The following MRPL1 variants were observed in gnomAD, a reference collection of about 807,000 sequenced individuals.
MRPL1 encodes large ribosomal subunit protein uL1m.
MRPL1 carries 28 observed loss-of-function variants against 38.0 expected under a neutral mutation model. The ratio of observed to expected loss-of-function variants is 0.74; its 90% CI spans 0.55 to 1.01. The LOEUF is 1.01. MRPL1 is among the 50% of genes least tolerant of loss of function. MRPL1 has a pLI of 0.00. For synonymous variants in MRPL1, 123 were observed against 126.7 expected, an observed-to-expected ratio of 0.97 and a Z score of 0.20; for missense variants, 358 against 389.8, an observed-to-expected ratio of 0.92 and a Z score of 0.69.
At chr4:77,945,206 A>G (rs1418151714) in intron 7 of MRPL1, among the ~76,000 whole-genome samples, 1 of 150,592 alleles carries the variant, frequency 6.6e-6, no homozygotes, top group Non-Finnish European at 1.5e-5. Flanking sequence ...TAGGAGACAT[A>G]CAGATAACCT....
intron 7 of MRPL1, among the ~76,000 whole-genome samples, chr4:77,947,229 T>C (rs923775162): frequency 6.6e-5 from 10 of 152,180 alleles, no homozygotes; most frequent in African/African-American, 2.4e-4. Context: ...GTTTCCGACA[T>C]AGTAAGGGTT....
At chr4:77,884,838 A>G (rs899255158) in intron 3 of MRPL1, among the ~76,000 whole-genome samples, 3 of 152,234 alleles carry the variant, frequency 2.0e-5, no homozygotes, top group Admixed American at 6.5e-5. Context: ...AACAAATTTA[A>G]TTGAAGATAG....
chr4:77,867,472 A>G (rs1257354588), intron 1 of MRPL1, among the ~76,000 whole-genome samples: 2 of 152,250 alleles, frequency 1.3e-5, no homozygotes, highest in Admixed American at 1.3e-4. Context: ...CAAGCTATAT[A>G]CATTTCCTGC....
At chr4:77,951,880 C>G (rs1185441876) in intron 8 of MRPL1, among the ~76,000 whole-genome samples, 1 of 152,188 alleles carries the variant, frequency 6.6e-6, no homozygotes, top group Non-Finnish European at 1.5e-5. Context: ...ATGCTCTGAC[C>G]TGCCAGGATA....
chr4:77,907,933 A>T (rs1578050288), intron 6 of MRPL1, among the ~76,000 whole-genome samples: 1 of 141,688 alleles, frequency 7.1e-6, no homozygotes, highest in South Asian at 2.2e-4. Context: ...TCTGTTGCCC[A>T]GGCTGCCAGG....
intron 7 of MRPL1, among the ~76,000 whole-genome samples, chr4:77,915,157 G>A (rs1053248191): frequency 1.3e-5 from 2 of 152,126 alleles, no homozygotes; most frequent in African/African-American, 4.8e-5. Flanking sequence ...TCTGTGTTAC[G>A]ATTCTGCATT....
intron 1 of MRPL1, chr4:77,864,701 G>A (rs1325114890): frequency 1.3e-5 from 2 of 152,028 alleles, no homozygotes; most frequent in Admixed American, 6.6e-5. Flanking sequence ...CGAACATAGC[G>A]AAAACCCCCA....
At chr4:77,877,733 G>A (rs1735432235) in intron 2 of MRPL1, among the ~76,000 whole-genome samples, 1 of 151,722 alleles carries the variant, frequency 6.6e-6, no homozygotes, top group Admixed American at 6.6e-5. Context: ...TTATGGGGAA[G>A]TTTCCTAGCC....
At chr4:77,945,190 G>A (rs1416703638) in intron 7 of MRPL1, among the ~76,000 whole-genome samples, 2 of 149,282 alleles carry the variant, frequency 1.3e-5, no homozygotes, top group Admixed American at 6.7e-5. Flanking sequence ...ACTACTTTAT[G>A]TTATGTAGGA....
intron 2 of MRPL1, 125 bp from the exon 3 acceptor site, chr4:77,883,117 C>A: frequency 1.6e-6 from 1 of 638,726 alleles, no homozygotes; most frequent in East Asian, 3.0e-5. Context: ...GTAAAGCAGT[C>A]TATGCTTTTG....
intron 6 of MRPL1, among the ~76,000 whole-genome samples, chr4:77,906,103 T>C (rs1431353368): frequency 6.6e-6 from 1 of 152,228 alleles, no homozygotes; most frequent in Non-Finnish European, 1.5e-5. Context: ...GTAACATGAC[T>C]GATCCCTGAG....
chr4:77,895,017 A>G (rs1735882056), intron 6 of MRPL1, among the ~76,000 whole-genome samples: 1 of 152,148 alleles, frequency 6.6e-6, no homozygotes, highest in Non-Finnish European at 1.5e-5. Flanking sequence ...GTACCCCTAC[A>G]TTGAAATAGA....
intron 1 of MRPL1, among the ~76,000 whole-genome samples, chr4:77,866,611 G>A (rs75156152): frequency 0.05 from 7,549 of 152,026 alleles, 227 homozygotes; most frequent in African/African-American, 0.082. Context: ...TCACTCTGCT[G>A]TAACCAGCTG....
intron 5 of MRPL1, among the ~76,000 whole-genome samples, chr4:77,888,224 G>A (rs1200100189): frequency 2.0e-5 from 3 of 152,190 alleles, no homozygotes; most frequent in African/African-American, 2.4e-5. Context: ...ACAGAGCTTC[G>A]CTGGACGCAG....
At chr4:77,949,399 C>T (rs768393035) in intron 7 of MRPL1, among the ~76,000 whole-genome samples, 39 of 152,208 alleles carry the variant, frequency 2.6e-4, no homozygotes, top group Non-Finnish European at 5.1e-4. Context: ...TTATTTTGGA[C>T]TCAAGAAAAC....
At position 77,894,222 on chromosome 4, in the gene MRPL1, G is replaced by A. The variant is rs200459259; in HGVS notation, c.642G>A (p.Leu214=). The A allele has an allele frequency of 6.5e-5, 104 of 1,597,246 alleles. No homozygotes were observed. Among genetic ancestry groups the A allele is most frequent in the Admixed American group, 3.5e-5 (2 of 57,726 alleles). ...AACTTAATCGATTAAGGAAGAAACT[G>A]AATAAAAAATATCCAAAGCTTTCTC... The part of the protein sequence containing the change: ...MPELNRLRKK[L]NKKYPKLSRN... Residue 214 remains leucine, a synonymous_variant, in exon 6 of 9, where the codon CTG becomes CTA. Transcript: ENST00000315567.
At chr4:77,906,893 A>G in intron 6 of MRPL1, 1 of 852,584 alleles carries the variant, frequency 1.2e-6, no homozygotes, top group South Asian at 5.4e-5. Context: ...TACTGAAAAA[A>G]CTTAGTATTT....
chr4:77,932,712 A>G (rs1470935161), intron 7 of MRPL1, among the ~76,000 whole-genome samples: 1 of 152,118 alleles, frequency 6.6e-6, no homozygotes, highest in Non-Finnish European at 1.5e-5. Context: ...ATTCTACAGC[A>G]TGGTGAGTTA....
At chr4:77,912,621 T>C (rs1351182715) in intron 7 of MRPL1, among the ~76,000 whole-genome samples, 2 of 152,144 alleles carry the variant, frequency 1.3e-5, no homozygotes, top group African/African-American at 4.8e-5. Context: ...GTTAAAAATA[T>C]CAATTTTCCC....
Sources: allele counts gnomAD v4.1 joint callset (sites outside exome capture counted in the v4.1 genomes callset), GRCh38; gene constraint gnomAD v4.1.1; transcripts MANE v1.5; gene names NCBI Gene and HGNC (gene_info 2026-07-23, HGNC 2026-07-21).